Variants in EPHB1 observed in about 807,000 individuals in gnomAD.
EPHB1 encodes the protein EPH receptor B1, also known as ephrin type-B receptor 1.
A neutral mutation model predicts 94.4 loss-of-function variants in EPHB1; 30 were observed. The ratio of observed to expected loss-of-function variants is 0.32; its 90% confidence interval spans 0.24 to 0.43. The LOEUF (loss-of-function observed/expected upper bound fraction) is 0.43, where lower values mean the gene tolerates loss of function less well. EPHB1 is among the 20% of genes least tolerant of loss of function. EPHB1 has a pLI of 1.00. For synonymous variants in EPHB1, 522 were observed against 489.1 expected (o/e 1.07, Z -0.89); for missense variants, 1,055 against 1,308.3 (o/e 0.81, Z 2.99).
intron 2 of EPHB1, among the ~76,000 whole-genome samples, chr3:134,939,286 C>G (rs3772658): frequency 0.19 from 29,123 of 151,710 alleles, 3,518 homozygotes; most frequent in Middle Eastern, 0.32. Flanking sequence ...GGAAGCCCTT[C>G]CAAGGCACTG....
intron 1 of EPHB1, among the ~76,000 whole-genome samples, chr3:134,863,152 A>T (rs12108179): frequency 1.5e-3 from 221 of 152,318 alleles, no homozygotes; most frequent in African/African-American, 5.0e-3. Context: ...TCTGCCACAG[A>T]GGTTTCCTAG....
At chr3:134,799,570 A>G (rs1040241649) in intron 1 of EPHB1, among the ~76,000 whole-genome samples, 4 of 152,334 alleles carry the variant, frequency 2.6e-5, no homozygotes, top group South Asian at 2.1e-4. Context: ...TTGGCAATGT[A>G]AACAACTGCA....
chr3:134,983,690 A>C (rs906030186), intron 3 of EPHB1, among the ~76,000 whole-genome samples: 2 of 152,246 alleles, frequency 1.3e-5, no homozygotes, highest in Admixed American at 6.5e-5. Flanking sequence ...TTGGACCTCC[A>C]TATCAGGACC....
chr3:135,147,597 C>T (rs1195972484), intron 5 of EPHB1, among the ~76,000 whole-genome samples: 5 of 152,148 alleles, frequency 3.3e-5, no homozygotes, highest in African/African-American at 1.2e-4. Flanking sequence ...GGAGGGCACC[C>T]TCCAACACAC....
chr3:135,244,950 A>T (rs1943884362), intron 13 of EPHB1, among the ~76,000 whole-genome samples: 1 of 152,234 alleles, frequency 6.6e-6, no homozygotes, highest in Non-Finnish European at 1.5e-5. Flanking sequence ...CTCAAGTAAT[A>T]ACAACAAAAT....
At chr3:135,000,346 CATATAGCTCAA>C (rs1487060272) in intron 3 of EPHB1, among the ~76,000 whole-genome samples, 1 of 152,048 alleles carries the variant, frequency 6.6e-6, no homozygotes, top group Non-Finnish European at 1.5e-5. Flanking sequence ...GAGAAGGGTA[CATATAGCTCAA>C]TACAGGAAAC....
intron 3 of EPHB1, among the ~76,000 whole-genome samples, chr3:135,040,976 G>A (rs1936815652): frequency 6.6e-6 from 1 of 152,112 alleles, no homozygotes; most frequent in South Asian, 2.1e-4. Context: ...CAGAAGGCCT[G>A]GAGCCCCTTA....
At chr3:134,814,811 T>A (rs568751557) in intron 1 of EPHB1, among the ~76,000 whole-genome samples, 1 of 152,332 alleles carries the variant, frequency 6.6e-6, no homozygotes, top group South Asian at 2.1e-4. Flanking sequence ...GTGCATCTTG[T>A]GGTGGTCTGG....
chr3:134,811,672 G>C (rs538597881), intron 1 of EPHB1, among the ~76,000 whole-genome samples: 17 of 152,196 alleles, frequency 1.1e-4, no homozygotes, highest in Admixed American at 7.9e-4. Context: ...TAAGATCTAA[G>C]ACTTTTTAGT....
At chr3:134,864,917 A>G (rs2037341082) in intron 1 of EPHB1, among the ~76,000 whole-genome samples, 1 of 152,228 alleles carries the variant, frequency 6.6e-6, no homozygotes, top group Non-Finnish European at 1.5e-5. Context: ...GAGTCCCTGA[A>G]TGGGCCTCTA....
chr3:135,212,034 C>A (rs1943045480), intron 12 of EPHB1, among the ~76,000 whole-genome samples: 1 of 152,058 alleles, frequency 6.6e-6, no homozygotes, highest in Non-Finnish European at 1.5e-5. Context: ...CTGATTTTTT[C>A]TTCTCTTTTT....
chr3:134,814,148 T>C (rs2108287240), intron 1 of EPHB1, among the ~76,000 whole-genome samples: 1 of 152,258 alleles, frequency 6.6e-6, no homozygotes, highest in African/African-American at 2.4e-5. Flanking sequence ...CAGGGACTTG[T>C]GGCAAACAGA....
At chr3:135,193,319 A>G (rs1942510847) in intron 11 of EPHB1, among the ~76,000 whole-genome samples, 1 of 152,210 alleles carries the variant, frequency 6.6e-6, no homozygotes, top group Non-Finnish European at 1.5e-5. Flanking sequence ...AGACTGCATC[A>G]CAAGCATCCA....
chr3:134,812,532 A>G (rs1267906577), intron 1 of EPHB1, among the ~76,000 whole-genome samples: 2 of 152,210 alleles, frequency 1.3e-5, no homozygotes, highest in Non-Finnish European at 2.9e-5. Flanking sequence ...ACATTTGCTT[A>G]TAGTTTTTGG....
chr3:135,035,224 G>A (rs930682161), intron 3 of EPHB1, among the ~76,000 whole-genome samples: 1 of 152,152 alleles, frequency 6.6e-6, no homozygotes, highest in African/African-American at 2.4e-5. Context: ...CTCCTGTCCT[G>A]CATCCATCGC....
At chr3:135,166,730 G>T (rs539209996) in intron 8 of EPHB1, among the ~76,000 whole-genome samples, 98 of 152,348 alleles carry the variant, frequency 6.4e-4, no homozygotes, top group Non-Finnish European at 1.2e-3. Context: ...CAAGACCTTG[G>T]CTGGAAAGCA....
At chr3:134,959,860 C>T (rs1292659869) in intron 3 of EPHB1, among the ~76,000 whole-genome samples, 3 of 152,058 alleles carry the variant, frequency 2.0e-5, no homozygotes, top group Non-Finnish European at 4.4e-5. Flanking sequence ...GGCTGTATCC[C>T]AGCTCAGTCA....
intron 12 of EPHB1, among the ~76,000 whole-genome samples, chr3:135,202,020 C>G (rs570794974): frequency 3.7e-4 from 57 of 152,284 alleles, no homozygotes; most frequent in Middle Eastern, 6.8e-3. Flanking sequence ...CATCTGTCAG[C>G]AGAGAGCAGA....
At chr3:135,069,160 G>A (rs912976520) in intron 3 of EPHB1, among the ~76,000 whole-genome samples, 1 of 151,452 alleles carries the variant, frequency 6.6e-6, no homozygotes, top group African/African-American at 2.4e-5. Flanking sequence ...TTATGCTTAT[G>A]ATTTTTAAAT....
Sources: gnomAD v4.1 joint callset for allele counts (sites outside exome capture counted in the v4.1 genomes callset) on GRCh38, gnomAD v4.1.1 for gene constraint, MANE v1.5 for transcripts, NCBI Gene and HGNC (gene_info 2026-07-23, HGNC 2026-07-21) for gene names.